CNTN4: variants seen among roughly 807,000 people sequenced by gnomAD.
The protein encoded by CNTN4 is contactin-4.
A neutral mutation model predicts 122.5 loss-of-function variants in CNTN4; 77 were observed. The observed-to-expected ratio is 0.63, with a 90% confidence interval of 0.52 to 0.76. The LOEUF (loss-of-function observed/expected upper bound fraction) is 0.76, where lower values mean the gene tolerates loss of function less well. Ranked by LOEUF, CNTN4 falls within the 30% of genes least tolerant of loss-of-function variation. The pLI is 0.00. For synonymous variants in CNTN4, 512 were observed against 447.0 expected (o/e 1.15, Z -1.83); for missense variants, 1,256 against 1,259.1 (o/e 1.00, Z 0.04).
Position 2,256,110 on chromosome 3 carries a change from T to C in CNTN4, c.-144-83068T>C, listed in dbSNP as rs186981637. On this transcript the variant is annotated intron_variant, in intron 2 of 24. Coordinates refer to ENST00000418658, the MANE Select transcript of CNTN4 (RefSeq NM_175607.3). The stretch of plus-strand genomic sequence containing the variant: ...AGAATAAAAAATGATAAAGGGGATA[T>C]CACCACTGATCCCATAGAAATGCAT... Among the ~76,000 whole-genome samples the C allele has an allele frequency of 2.6e-4, 40 of 152,234 alleles. 1 individual carries two copies. Among genetic ancestry groups the C allele is most frequent in the African/African-American group, 9.6e-4 (40 of 41,546 alleles).
rs754042718 is a variant in CNTN4 at position 2,947,753 on chromosome 3, T to A, written c.1358+21974T>A. ...ACAGCCAGATCCCTATCTCTTCCAT[T>A]ATAGATACCAGACATCTAACAACAC... On this transcript the variant is annotated intron_variant, in intron 13 of 24. Coordinates refer to ENST00000418658, the MANE Select transcript of CNTN4 (RefSeq NM_175607.3). 2.4e-4 allele frequency among the ~76,000 whole-genome samples: 37 copies of A among 152,354 alleles called. 1 individual carries two copies. Among genetic ancestry groups the A allele is most frequent in the Admixed American group, 9.8e-4 (15 of 15,296 alleles).
chr3:2,197,192 C>G (rs151327012), intron 2 of CNTN4, among the ~76,000 whole-genome samples: 1 of 152,254 alleles, frequency 6.6e-6, no homozygotes, highest in East Asian at 1.9e-4. Context: ...CTAGTTCTCT[C>G]TTCTCCATAC....
At chr3:2,507,816 C>T (rs935822429) in intron 3 of CNTN4, among the ~76,000 whole-genome samples, 3 of 150,272 alleles carry the variant, frequency 2.0e-5, no homozygotes, top group Non-Finnish European at 3.0e-5. Flanking sequence ...AGTCAGTTCT[C>T]CCCCAAAAAT....
At chr3:2,719,976 T>A (rs2087739668) in intron 4 of CNTN4, among the ~76,000 whole-genome samples, 1 of 152,080 alleles carries the variant, frequency 6.6e-6, no homozygotes, top group African/African-American at 2.4e-5. Context: ...GGATCAGATA[T>A]CCACAGTGTG....
chr3:2,564,213 A>C (rs1385118949), intron 3 of CNTN4, among the ~76,000 whole-genome samples: 1 of 152,182 alleles, frequency 6.6e-6, no homozygotes, highest in Non-Finnish European at 1.5e-5. Context: ...ACCTATGGGG[A>C]CTAACAGCTA....
At chr3:2,209,681 T>C (rs969156067) in intron 2 of CNTN4, among the ~76,000 whole-genome samples, 3 of 152,156 alleles carry the variant, frequency 2.0e-5, no homozygotes, top group African/African-American at 7.2e-5. Context: ...TTATGTTTTA[T>C]TCAGGGTCCA....
intron 3 of CNTN4, among the ~76,000 whole-genome samples, chr3:2,445,943 G>C (rs1182152713): frequency 6.6e-6 from 1 of 152,142 alleles, no homozygotes; most frequent in East Asian, 1.9e-4. Flanking sequence ...ATTCTTGAGG[G>C]TAGTGACTAC....
intron 3 of CNTN4, among the ~76,000 whole-genome samples, chr3:2,375,936 G>C (rs1329993578): frequency 6.6e-6 from 1 of 151,730 alleles, no homozygotes; most frequent in Non-Finnish European, 1.5e-5. Flanking sequence ...AAAAAAAAGA[G>C]AAAACCCTCT....
chr3:2,811,461 T>G (rs2092608102), intron 6 of CNTN4, among the ~76,000 whole-genome samples: 1 of 135,880 alleles, frequency 7.4e-6, no homozygotes, highest in Non-Finnish European at 1.7e-5. Flanking sequence ...TATTATTTAT[T>G]TATTTATTTA....
intron 2 of CNTN4, among the ~76,000 whole-genome samples, chr3:2,331,256 T>C (rs1198525454): frequency 6.6e-6 from 1 of 152,174 alleles, no homozygotes; most frequent in Non-Finnish European, 1.5e-5. Flanking sequence ...TTATTTTCCT[T>C]CTTTGTTTCT....
intron 3 of CNTN4, among the ~76,000 whole-genome samples, chr3:2,415,938 GT>G (rs2047395519): frequency 6.6e-6 from 1 of 151,996 alleles, no homozygotes; most frequent in South Asian, 2.1e-4. Flanking sequence ...TTGTTTTACT[GT>G]GCTCTAATAC....
intron 7 of CNTN4, among the ~76,000 whole-genome samples, chr3:2,860,478 C>G (rs1343320564): frequency 6.6e-6 from 1 of 152,184 alleles, no homozygotes; most frequent in African/African-American, 2.4e-5. Context: ...CTCTGGACCA[C>G]AGAATATTCC....
rs1004272283 is a variant in CNTN4, at chr3:2,200,684, C to T, written c.-145+100045C>T. Reference sequence around the variant, plus strand: ...CAGGATGAAAGTTTTAAATGCTCTGCAGAGACAAAGTGTTATTGATGCCTC... The same window carrying T: ...CAGGATGAAAGTTTTAAATGCTCTGTAGAGACAAAGTGTTATTGATGCCTC... On this transcript the variant is annotated intron_variant, in intron 2 of 24. Coordinates refer to ENST00000418658, the MANE Select transcript of CNTN4 (RefSeq NM_175607.3). Among the ~76,000 whole-genome samples the T allele has an allele frequency of 4.6e-5, 7 of 152,238 alleles. No individual in the cohort carries two copies. In the South Asian group the frequency reaches 6.2e-4, roughly 14 times the overall value.
chr3:2,888,488 C>T (rs2094002660), intron 10 of CNTN4, among the ~76,000 whole-genome samples: 1 of 152,062 alleles, frequency 6.6e-6, no homozygotes, highest in Admixed American at 6.5e-5. Context: ...GGTTTCATGT[C>T]CTCTGGTCTA....
intron 2 of CNTN4, among the ~76,000 whole-genome samples, chr3:2,314,101 G>A (rs1029437409): frequency 6.6e-6 from 1 of 151,790 alleles, no homozygotes; most frequent in Non-Finnish European, 1.5e-5. Flanking sequence ...AATTAAAATT[G>A]ATAACAACAA....
In CNTN4 at chr3:2,328,904, T is replaced by A. The variant is rs115819157; in HGVS notation, c.-144-10274T>A. Among the ~76,000 whole-genome samples, 1,076 of 152,248 alleles carry A rather than the reference T, an allele frequency of 7.1e-3. 7 individuals are homozygous for A. Among genetic ancestry groups the A allele is most frequent in the African/African-American group, 0.025 (1,030 of 41,546 alleles). On this transcript the variant is annotated intron_variant, in intron 2 of 24. Coordinates refer to ENST00000418658, the MANE Select transcript of CNTN4 (RefSeq NM_175607.3). ...AGGGACGACTGCATTCTCCAAATCCTGGGCATGGGCATACCATATTTCTTA... is the reference window on the plus strand; with the variant it reads ...AGGGACGACTGCATTCTCCAAATCCAGGGCATGGGCATACCATATTTCTTA...
intron 4 of CNTN4, among the ~76,000 whole-genome samples, chr3:2,729,472 A>G (rs2088503093): frequency 7.8e-6 from 1 of 128,352 alleles, no homozygotes; most frequent in African/African-American, 2.9e-5. Flanking sequence ...CAAACCTGGG[A>G]GGTGGAGGTT....
chr3:2,834,405 A>G (rs2093170342), intron 7 of CNTN4, among the ~76,000 whole-genome samples: 1 of 152,066 alleles, frequency 6.6e-6, no homozygotes, highest in Non-Finnish European at 1.5e-5. Flanking sequence ...TCTCTACTAA[A>G]GATTTAAAAA....
intron 6 of CNTN4, among the ~76,000 whole-genome samples, chr3:2,799,219 C>T (rs544263101): frequency 1.3e-5 from 2 of 152,162 alleles, no homozygotes; most frequent in South Asian, 2.1e-4. Flanking sequence ...GGTTAAGCTC[C>T]TTGAAGATCC....
Sources: allele counts gnomAD v4.1 joint callset (sites outside exome capture counted in the v4.1 genomes callset), GRCh38; gene constraint gnomAD v4.1.1; transcripts MANE v1.5; gene names NCBI Gene and HGNC (gene_info 2026-07-23, HGNC 2026-07-21).